The following PCSK2 variants were observed in gnomAD, a reference collection of about 807,000 sequenced individuals.
PCSK2 encodes the protein proprotein convertase subtilisin/kexin type 2.
PCSK2 carries 14 observed loss-of-function variants against 69.7 expected under a neutral mutation model. That is an observed-to-expected ratio of 0.20 (90% CI 0.13 to 0.31). PCSK2 has a LOEUF of 0.31. Among genes scored for constraint, PCSK2 ranks in the 10% least tolerant of loss-of-function variants. PCSK2 has a pLI of 1.00. For missense variants in PCSK2, 544 were observed against 842.5 expected (o/e 0.65, Z 4.39); for synonymous variants, 307 against 320.7 (o/e 0.96, Z 0.46).
chr20:17,268,283 T>C (rs956457068), intron 2 of PCSK2, among the ~76,000 whole-genome samples: 1 of 151,906 alleles, frequency 6.6e-6, no homozygotes, highest in Non-Finnish European at 1.5e-5. Flanking sequence ...TGTATACTAG[T>C]GGCAATGAAG....
At chr20:17,320,968 T>TA (rs1989845822) in intron 2 of PCSK2, among the ~76,000 whole-genome samples, 1 of 152,176 alleles carries the variant, frequency 6.6e-6, no homozygotes, top group Non-Finnish European at 1.5e-5. Context: ...AACACATTAG[T>TA]AAAACAAGCA....
intron 8 of PCSK2, among the ~76,000 whole-genome samples, chr20:17,444,799 C>T (rs1225960303): frequency 9.2e-5 from 14 of 152,242 alleles, no homozygotes; most frequent in Non-Finnish European, 1.8e-4. Context: ...CACACCAAAA[C>T]TTGAGAACAC....
intron 2 of PCSK2, among the ~76,000 whole-genome samples, chr20:17,345,414 C>G (rs1990623364): frequency 6.6e-6 from 1 of 152,154 alleles, no homozygotes; most frequent in Non-Finnish European, 1.5e-5. Context: ...GTGCTATACA[C>G]CAGAAATCAA....
intron 1 of PCSK2, among the ~76,000 whole-genome samples, chr20:17,249,281 C>T (rs1299595711): frequency 1.3e-5 from 2 of 151,746 alleles, no homozygotes; most frequent in African/African-American, 4.8e-5. Context: ...CTGAGGCGGG[C>T]GGATCATGAG....
At chr20:17,287,185 T>C (rs1407890016) in intron 2 of PCSK2, among the ~76,000 whole-genome samples, 1 of 152,134 alleles carries the variant, frequency 6.6e-6, no homozygotes, top group African/African-American at 2.4e-5. Flanking sequence ...CAGCAACATC[T>C]AAACTAGTGT....
intron 2 of PCSK2, among the ~76,000 whole-genome samples, chr20:17,326,176 C>T (rs775743134): frequency 1.3e-5 from 2 of 152,186 alleles, no homozygotes; most frequent in East Asian, 1.9e-4. Flanking sequence ...TCAAAGCCAA[C>T]GAGCAATCTA....
intron 7 of PCSK2, among the ~76,000 whole-genome samples, chr20:17,431,921 A>G (rs753869871): frequency 6.6e-5 from 10 of 152,132 alleles, no homozygotes; most frequent in Non-Finnish European, 8.8e-5. Context: ...TGGGCTAAGG[A>G]GGTCTAAAGC....
chr20:17,244,372 C>A (rs1375478251), intron 1 of PCSK2, among the ~76,000 whole-genome samples: 1 of 152,206 alleles, frequency 6.6e-6, no homozygotes, highest in East Asian at 1.9e-4. Flanking sequence ...TTGTCACCAA[C>A]AATGGGTTTC....
intron 8 of PCSK2, among the ~76,000 whole-genome samples, chr20:17,440,559 C>T (rs1007899153): frequency 3.9e-5 from 6 of 152,110 alleles, no homozygotes; most frequent in African/African-American, 1.2e-4. Context: ...ATTGGTTTCT[C>T]GTAAGAATGC....
intron 2 of PCSK2, among the ~76,000 whole-genome samples, chr20:17,338,376 T>C (rs1244055003): frequency 6.6e-6 from 1 of 152,038 alleles, no homozygotes; most frequent in Non-Finnish European, 1.5e-5. Context: ...TTTGTATTTT[T>C]AGTAGAGATG....
intron 5 of PCSK2, among the ~76,000 whole-genome samples, chr20:17,403,510 T>C (rs1228695922): frequency 6.6e-6 from 1 of 152,252 alleles, no homozygotes; most frequent in Non-Finnish European, 1.5e-5. Flanking sequence ...TCAGTTTCCA[T>C]ACAGATGAGC....
At chr20:17,398,910 G>A (rs1333562346) in intron 5 of PCSK2, among the ~76,000 whole-genome samples, 6 of 152,138 alleles carry the variant, frequency 3.9e-5, no homozygotes, top group African/African-American at 1.2e-4. Flanking sequence ...GATAACTGAA[G>A]GTGCTATTAA....
At chr20:17,294,875 T>TTATTAC (rs1411208449) in intron 2 of PCSK2, among the ~76,000 whole-genome samples, 3 of 152,186 alleles carry the variant, frequency 2.0e-5, no homozygotes, top group African/African-American at 7.2e-5. Flanking sequence ...TCTCAAACTC[T>TTATTAC]TATTACATAG....
chr20:17,266,738 CAG>C (rs1987619923), intron 2 of PCSK2, among the ~76,000 whole-genome samples: 1 of 152,122 alleles, frequency 6.6e-6, no homozygotes, highest in Non-Finnish European at 1.5e-5. Flanking sequence ...AACTCAGAAA[CAG>C]GGGTGGCCCT....
chr20:17,227,286 C>A lies in PCSK2; in HGVS notation c.-20C>A. The stretch of plus-strand genomic sequence containing the variant: ...CCAGCCTGCGCGCCTCCTAGCACCA[C>A]TTTTCACTCCCAAAGAAGGATGAAG... On this transcript the variant is annotated 5_prime_UTR_variant, in exon 1 of 12. Transcript: ENST00000262545. 1 of 1,611,448 alleles carries A rather than the reference C, an allele frequency of 6.2e-7. No homozygotes were observed. The highest frequency in any genetic ancestry group is 8.5e-7 in the Non-Finnish European group (1 of 1,178,454).
intron 3 of PCSK2, among the ~76,000 whole-genome samples, chr20:17,360,294 T>C (rs2030345608): frequency 6.6e-6 from 1 of 151,644 alleles, no homozygotes; most frequent in Admixed American, 6.6e-5. Context: ...TGAAACTATG[T>C]TTGCATATTT....
At chr20:17,310,889 C>T (rs1287707264) in intron 2 of PCSK2, among the ~76,000 whole-genome samples, 1 of 151,340 alleles carries the variant, frequency 6.6e-6, no homozygotes, top group African/African-American at 2.4e-5. Context: ...GTAATTCCAG[C>T]TACTCTGGAT....
At position 17,433,813 on chromosome 20, in the gene PCSK2, C is replaced by CTCTCT. The variant is rs59651477; in HGVS notation, c.710-2895_710-2894insTCTCT. Among the ~76,000 whole-genome samples the CTCTCT allele has an allele frequency of 3.8e-4, 38 of 98,718 alleles. 1 individual carries two copies. Among genetic ancestry groups the CTCTCT allele is most frequent in the African/African-American group, 5.7e-4 (13 of 22,732 alleles). The allele number at this position is 98,718 out of a possible 152,430, so 64.8% of individuals were successfully genotyped here. On this transcript the variant is annotated intron_variant, in intron 7 of 11. Transcript: ENST00000262545. ...TCTCTCTCTCTCTCTCTCTCTCTCT[C>CTCTCT]CCCCCACTTCCTTCCCTCCTCCTCC...
intron 2 of PCSK2, among the ~76,000 whole-genome samples, chr20:17,283,920 C>T (rs1358534709): frequency 6.6e-6 from 1 of 152,180 alleles, no homozygotes; most frequent in Non-Finnish European, 1.5e-5. Flanking sequence ...GAAAACAAGC[C>T]TGCCAAATGA....
Sources: allele counts gnomAD v4.1 joint callset (sites outside exome capture counted in the v4.1 genomes callset), GRCh38; gene constraint gnomAD v4.1.1; transcripts MANE v1.5; gene names NCBI Gene and HGNC (gene_info 2026-07-23, HGNC 2026-07-21).